The following RERE variants were observed in gnomAD, a reference collection of about 807,000 sequenced individuals.
RERE encodes arginine-glutamic acid dipeptide repeats, also known as arginine-glutamic acid dipeptide repeats protein.
In RERE, 40 loss-of-function variants were observed where a neutral mutation model predicts 146.1. The observed-to-expected ratio is 0.27, with a 90% confidence interval of 0.21 to 0.36. The LOEUF (loss-of-function observed/expected upper bound fraction) is 0.36. Among genes scored for constraint, RERE ranks in the 10% least tolerant of loss-of-function variants. The pLI, the probability that RERE is intolerant of heterozygous loss-of-function variation, is 1.00. For missense variants in RERE, 1,933 were observed against 2,138.7 expected, an observed-to-expected ratio of 0.90 and a Z score of 1.90; for synonymous variants, 1,003 against 866.0, an observed-to-expected ratio of 1.16 and a Z score of -2.78.
intron 12 of RERE, among the ~76,000 whole-genome samples, chr1:8,397,344 T>C (rs528215891): frequency 9.6e-5 from 14 of 145,848 alleles, no homozygotes; most frequent in African/African-American, 3.7e-4. Context: ...GCTGCCTTAT[T>C]CGACTTTCAC....
At chr1:8,702,586 TA>T (rs1328337638) in intron 1 of RERE, among the ~76,000 whole-genome samples, 1 of 152,210 alleles carries the variant, frequency 6.6e-6, no homozygotes, top group Non-Finnish European at 1.5e-5. Flanking sequence ...GTCACTTAAG[TA>T]GCCTCAAATC....
chr1:8,499,917 C>T (rs1268141850), intron 8 of RERE, among the ~76,000 whole-genome samples: 8 of 152,308 alleles, frequency 5.3e-5, no homozygotes, highest in African/African-American at 1.7e-4. Flanking sequence ...GTCAGGAGTT[C>T]GACACCAGAC....
rs1419947131 is a variant in RERE, at chr1:8,471,739, C to T, written c.1105-5716G>A. 3.3e-5 allele frequency among the ~76,000 whole-genome samples: 5 copies of T among 152,026 alleles called. No homozygotes were observed. In the South Asian group the frequency reaches 1.0e-3, roughly 32 times the overall value. On this transcript the variant is annotated intron_variant, in intron 10 of 22. Coordinates refer to ENST00000400908, the MANE Select transcript of RERE (RefSeq NM_001042681.2). ...ATGCTGCCTAGTGCGGTCTCAGACT[C>T]CTGGGTTCAAGTGCTCTTCCTGTCT...
chr1:8,353,720 G>A lies in RERE; in HGVS notation c.*1367C>T, dbSNP rs975601327. On this transcript the variant is annotated 3_prime_UTR_variant, in exon 23 of 23. Coordinates refer to ENST00000400908, the MANE Select transcript of RERE (RefSeq NM_001042681.2). Reference sequence around the variant, plus strand: ...AGCATGCTTTCTGAATGCACTGTGGGTGGGACTCCAGTTCCCACTTCCAGG... The same window carrying A: ...AGCATGCTTTCTGAATGCACTGTGGATGGGACTCCAGTTCCCACTTCCAGG... The A allele has an allele frequency of 3.9e-5, 6 of 152,274 alleles. No homozygotes were observed. Among genetic ancestry groups the A allele is most frequent in the African/African-American group, 1.4e-4 (6 of 41,440 alleles). 9.4% of individuals were successfully genotyped at this position (152,274 alleles called of 1,614,324 possible). A position where few individuals can be genotyped will look rare whatever the true frequency, so the allele number is the denominator to read the frequency against.
At chr1:8,626,331 C>T (rs922803659) in intron 2 of RERE, among the ~76,000 whole-genome samples, 1 of 152,188 alleles carries the variant, frequency 6.6e-6, no homozygotes, top group African/African-American at 2.4e-5. Context: ...TATTTACTCA[C>T]CTTACTCAAC....
intron 4 of RERE, among the ~76,000 whole-genome samples, chr1:8,573,057 T>C (rs1646241733): frequency 6.6e-6 from 1 of 152,194 alleles, no homozygotes; most frequent in Non-Finnish European, 1.5e-5. Context: ...AATGTCTTGC[T>C]TGCTTGCTAT....
At chr1:8,586,000 T>C (rs1431334274) in intron 4 of RERE, among the ~76,000 whole-genome samples, 1 of 152,172 alleles carries the variant, frequency 6.6e-6, no homozygotes, top group Non-Finnish European at 1.5e-5. Context: ...CTTGCCCAAA[T>C]GGAACAGACC....
At chr1:8,669,026 G>C (rs1455651120) in intron 1 of RERE, among the ~76,000 whole-genome samples, 1 of 56,412 alleles carries the variant, frequency 1.8e-5, no homozygotes, top group Non-Finnish European at 3.4e-5. Flanking sequence ...ACTCAACTCT[G>C]TGTGTGTGTG....
At chr1:8,629,521 C>T (rs1647010856) in intron 2 of RERE, among the ~76,000 whole-genome samples, 2 of 152,136 alleles carry the variant, frequency 1.3e-5, no homozygotes, top group South Asian at 4.1e-4. Context: ...TTTTTCAACC[C>T]TCAGCAAATC....
Position 8,358,584 on chromosome 1 carries a change from C to CGCTCCCGGATCTCCCGCAGCTCA in RERE, c.3950_3951insTGAGCTGCGGGAGATCCGGGAGC (p.Arg1322IlefsTer10). 1 of 1,602,028 alleles carries CGCTCCCGGATCTCCCGCAGCTCA rather than the reference C, an allele frequency of 6.2e-7. No individual in the cohort carries two copies. Among genetic ancestry groups the CGCTCCCGGATCTCCCGCAGCTCA allele is most frequent in the Non-Finnish European group, 8.5e-7 (1 of 1,174,562 alleles). ...CCGGCTTCATCCTCTCCCGCAGCTC[C>CGCTCCCGGATCTCCCGCAGCTCA]CGCTCTCGGATCTCCCGCTCTCGGA... On this transcript the variant is annotated frameshift_variant, in exon 20 of 23. Transcript: ENST00000400908. LOFTEE classifies it high-confidence loss of function.
intron 1 of RERE, among the ~76,000 whole-genome samples, chr1:8,809,068 G>A (rs549793356): frequency 2.7e-4 from 41 of 150,740 alleles, no homozygotes; most frequent in Non-Finnish European, 5.5e-4. Context: ...AACCCGGGAG[G>A]CAGAGCTTGC....
intron 11 of RERE, among the ~76,000 whole-genome samples, chr1:8,444,233 G>A (rs963806167): frequency 2.0e-5 from 3 of 152,200 alleles, no homozygotes; most frequent in African/African-American, 7.2e-5. Flanking sequence ...TGGAGTCAAG[G>A]GCTATTTTGG....
chr1:8,538,188 A>C (rs565655291), intron 7 of RERE, among the ~76,000 whole-genome samples: 1 of 152,336 alleles, frequency 6.6e-6, no homozygotes, highest in South Asian at 2.1e-4. Context: ...ACACAATCAG[A>C]AGAACTTTGA....
At chr1:8,434,974 C>G (rs1308528410) in intron 11 of RERE, 1 of 152,216 alleles carries the variant, frequency 6.6e-6, no homozygotes, top group African/African-American at 2.4e-5. Flanking sequence ...AATTCTGGTC[C>G]CACAGAAACT....
chr1:8,536,126 A>G lies in RERE; in HGVS notation c.830+5088T>C, dbSNP rs570116121. Reference sequence around the variant, plus strand: ...TCTCAAAAAAAAAAAAAAAAATCAGATATTTTTCAATCTTGTCTCTAAAAG... The same window carrying G: ...TCTCAAAAAAAAAAAAAAAAATCAGGTATTTTTCAATCTTGTCTCTAAAAG... On this transcript the variant is annotated intron_variant, in intron 7 of 22. Coordinates refer to ENST00000400908, the MANE Select transcript of RERE (RefSeq NM_001042681.2). Among the ~76,000 whole-genome samples the G allele has an allele frequency of 1.2e-4, 18 of 146,974 alleles. No individual in the cohort carries two copies. In the South Asian group the frequency reaches 3.9e-3, roughly 32 times the overall value.
intron 12 of RERE, among the ~76,000 whole-genome samples, chr1:8,384,297 A>G (rs954895796): frequency 6.6e-6 from 1 of 152,078 alleles, no homozygotes; most frequent in African/African-American, 2.4e-5. Flanking sequence ...CTGCTGCCCT[A>G]GTTTTTTCTT....
At chr1:8,358,977 A>C (rs1275119501) in intron 19 of RERE, 61 bp from the exon 20 acceptor site, 2 of 1,488,972 alleles carry the variant, frequency 1.3e-6, no homozygotes, top group Non-Finnish European at 1.8e-6. Context: ...CGCTTGGTCC[A>C]CACTGCGGAG....
At position 8,621,608 on chromosome 1, in the gene RERE, C is replaced by A. The variant is rs182445089; in HGVS notation, c.396+2702G>T. Among the ~76,000 whole-genome samples, 51 of 152,240 alleles carry A rather than the reference C, an allele frequency of 3.3e-4. No homozygotes were observed. The East Asian group carries it at 7.1e-3, about 21-fold the overall frequency. Reference sequence around the variant, plus strand: ...AATGAAACACATCTCTCAGTTATAACCCCAAACCAACTTTTTATTTTATGA... The same window carrying A: ...AATGAAACACATCTCTCAGTTATAAACCCAAACCAACTTTTTATTTTATGA... On this transcript the variant is annotated intron_variant, in intron 3 of 22. Transcript: ENST00000400908.
chr1:8,773,158 G>A (rs1309823182), intron 1 of RERE, among the ~76,000 whole-genome samples: 3 of 148,378 alleles, frequency 2.0e-5, no homozygotes, highest in Non-Finnish European at 4.4e-5. Context: ...AAACTTAAAA[G>A]AAAAAGAATT....
Sources: allele counts gnomAD v4.1 joint callset (sites outside exome capture counted in the v4.1 genomes callset), GRCh38; gene constraint gnomAD v4.1.1; transcripts MANE v1.5; gene names NCBI Gene and HGNC (gene_info 2026-07-23, HGNC 2026-07-21).